NPTN: variants seen among roughly 807,000 people sequenced by gnomAD.
The protein encoded by NPTN is neuroplastin.
A neutral mutation model predicts 42.7 loss-of-function variants in NPTN; 5 were observed. The observed-to-expected ratio is 0.12, with a 90% confidence interval of 0.06 to 0.25. NPTN has a LOEUF of 0.25. Among genes scored for constraint, NPTN ranks in the 10% least tolerant of loss-of-function variants. The pLI is 1.00. For synonymous variants in NPTN, 180 were observed against 201.9 expected, an observed-to-expected ratio of 0.89 and a Z score of 0.92; for missense variants, 307 against 525.4, an observed-to-expected ratio of 0.58 and a Z score of 4.06.
At chr15:73,571,773 AAG>A (rs1388095426) in intron 5 of NPTN, among the ~76,000 whole-genome samples, 9 of 152,142 alleles carry the variant, frequency 5.9e-5, no homozygotes, top group Admixed American at 5.9e-4. Flanking sequence ...AGGAGAGAAA[AAG>A]GGGAATATTA....
rs112444659 is a variant in NPTN at position 73,595,345 on chromosome 15, TA to T, written c.439+1676del. Among the ~76,000 whole-genome samples the T allele has an allele frequency of 4.4e-3, 653 of 150,066 alleles. 3 individuals are homozygous for T. Among genetic ancestry groups the T allele is most frequent in the Non-Finnish European group, 7.0e-3 (469 of 67,310 alleles). On this transcript the variant is annotated intron_variant, in intron 2 of 8. Coordinates refer to ENST00000345330, the MANE Select transcript of NPTN (RefSeq NM_012428.4). ...GAGGCGTGCAGGGTAAAAATATTGT[TA>T]AAAAAAAAATCACTGGGTTAATGTT...
chr15:73,628,133 A>T (rs1345204882), intron 1 of NPTN, among the ~76,000 whole-genome samples: 1 of 152,236 alleles, frequency 6.6e-6, no homozygotes, highest in Non-Finnish European at 1.5e-5. Context: ...TTGTTTAAAG[A>T]GGCATACTGA....
chr15:73,606,903 G>A (rs1897316915), intron 1 of NPTN, among the ~76,000 whole-genome samples: 8 of 152,140 alleles, frequency 5.3e-5, no homozygotes, highest in African/African-American at 4.8e-5. Flanking sequence ...ACCTTGCTAA[G>A]TCAGTTTAGC....
intron 1 of NPTN, among the ~76,000 whole-genome samples, chr15:73,606,201 T>C (rs968055387): frequency 6.6e-6 from 1 of 152,218 alleles, no homozygotes; most frequent in Non-Finnish European, 1.5e-5. Context: ...AATTTACTCT[T>C]GAGCAGTCAG....
At chr15:73,581,466 A>T (rs985918074) in intron 4 of NPTN, among the ~76,000 whole-genome samples, 1 of 152,204 alleles carries the variant, frequency 6.6e-6, no homozygotes, top group Admixed American at 6.5e-5. Flanking sequence ...GAATTCATTC[A>T]TTCTCTGGCC....
chr15:73,601,402 G>C (rs1357761097), intron 1 of NPTN, among the ~76,000 whole-genome samples: 1 of 152,202 alleles, frequency 6.6e-6, no homozygotes, highest in Non-Finnish European at 1.5e-5. Context: ...ATCACAATTA[G>C]CAAGGGAAAG....
chr15:73,617,124 A>G (rs1256320918), intron 1 of NPTN, among the ~76,000 whole-genome samples: 1 of 152,216 alleles, frequency 6.6e-6, no homozygotes, highest in Admixed American at 6.5e-5. Context: ...AAAAGACTAT[A>G]AATACCAAGA....
rs543014038 is a variant in NPTN, at chr15:73,562,054, T to C, written c.1137-84A>G. The stretch of plus-strand genomic sequence containing the variant: ...AACACATGGAAATACAGGGACTCTT[T>C]CACTTACTGCCATCCCTGGTGTAGT... On this transcript the variant is annotated intron_variant, in intron 7 of 8. Transcript: ENST00000345330. The C allele has an allele frequency of 3.1e-6, 3 of 973,888 alleles. No individual in the cohort carries two copies. In the African/African-American group the frequency reaches 5.1e-5, roughly 17 times the overall value. The allele number at this position is 973,888 out of a possible 1,614,324, so 60.3% of individuals were successfully genotyped here.
At chr15:73,618,914 C>A (rs990950596) in intron 1 of NPTN, among the ~76,000 whole-genome samples, 2 of 151,734 alleles carry the variant, frequency 1.3e-5, no homozygotes, top group African/African-American at 4.8e-5. Flanking sequence ...AAAAAATTAG[C>A]CGGGTGTGGT....
intron 4 of NPTN, among the ~76,000 whole-genome samples, chr15:73,575,816 C>CA (rs1895663262): frequency 6.6e-6 from 1 of 152,262 alleles, no homozygotes; most frequent in Admixed American, 6.5e-5. Flanking sequence ...GATGGGCATG[C>CA]ACTGGGCAAG....
intron 4 of NPTN, among the ~76,000 whole-genome samples, chr15:73,577,601 GAACT>G (rs1254001963): frequency 6.6e-6 from 1 of 152,184 alleles, no homozygotes; most frequent in Non-Finnish European, 1.5e-5. Context: ...TGCCTTTGTA[GAACT>G]AACATTAGAC....
intron 1 of NPTN, among the ~76,000 whole-genome samples, chr15:73,629,409 AT>A (rs1898609023): frequency 6.6e-6 from 1 of 152,208 alleles, no homozygotes; most frequent in African/African-American, 2.4e-5. Context: ...GAAACACGCA[AT>A]CAATTAGCAA....
chr15:73,580,521 AGTTATATATGTATATATTT>A (rs1361133785), intron 4 of NPTN, among the ~76,000 whole-genome samples: 5 of 139,110 alleles, frequency 3.6e-5, no homozygotes, highest in Admixed American at 1.5e-4. Context: ...TATATAATAT[AGTTATATATGTATATATTT>A]GTTATATATG....
intron 4 of NPTN, among the ~76,000 whole-genome samples, chr15:73,577,850 A>G (rs1378602482): frequency 3.3e-5 from 5 of 152,092 alleles, no homozygotes; most frequent in Admixed American, 2.6e-4. Context: ...GCTCTAACCA[A>G]TCAGCACTCC....
intron 1 of NPTN, among the ~76,000 whole-genome samples, chr15:73,624,456 C>T (rs892078673): frequency 1.3e-5 from 2 of 152,106 alleles, no homozygotes; most frequent in Non-Finnish European, 2.9e-5. Flanking sequence ...GCAATGATTC[C>T]CAAACCTGCT....
intron 4 of NPTN, among the ~76,000 whole-genome samples, chr15:73,579,564 C>T (rs1895883708): frequency 6.6e-6 from 1 of 152,032 alleles, no homozygotes; most frequent in Admixed American, 6.6e-5. Flanking sequence ...TCGGCAGCTG[C>T]ACTGCCTCTG....
chr15:73,580,550 G>GTATATACATGT (rs1895980825), intron 4 of NPTN, among the ~76,000 whole-genome samples: 1 of 134,898 alleles, frequency 7.4e-6, no homozygotes, highest in Admixed American at 7.8e-5. Flanking sequence ...TGTTATATAT[G>GTATATACATGT]TATATATGTA....
At chr15:73,567,283 A>G (rs2141353810) in intron 6 of NPTN, 2 of 985,408 alleles carry the variant, frequency 2.0e-6, no homozygotes, top group Non-Finnish European at 2.4e-6. Context: ...TCTTGATAAT[A>G]AAGTGCTATT....
chr15:73,579,624 G>A (rs931467091), intron 4 of NPTN, among the ~76,000 whole-genome samples: 1 of 152,090 alleles, frequency 6.6e-6, no homozygotes, highest in Non-Finnish European at 1.5e-5. Flanking sequence ...AGATTGGGAA[G>A]GGGGCTAGGA....
Sources: allele counts gnomAD v4.1 joint callset (sites outside exome capture counted in the v4.1 genomes callset), GRCh38; gene constraint gnomAD v4.1.1; transcripts MANE v1.5; gene names NCBI Gene and HGNC (gene_info 2026-07-23, HGNC 2026-07-21).